Variants in LINGO1 observed in about 807,000 individuals in gnomAD.
LINGO1 encodes the protein leucine rich repeat and Ig domain containing 1, also known as leucine-rich repeat and immunoglobulin-like domain-containing nogo receptor-interacting protein 1.
In LINGO1, 11 loss-of-function variants were observed where a neutral mutation model predicts 37.3. That is an observed-to-expected ratio of 0.29 (90% CI 0.19 to 0.49). The LOEUF (loss-of-function observed/expected upper bound fraction) is 0.49, where lower values mean the gene tolerates loss of function less well. LINGO1 is among the 20% of genes least tolerant of loss of function. The pLI is 0.99. For synonymous variants in LINGO1, 387 were observed against 403.0 expected, an observed-to-expected ratio of 0.96 and a Z score of 0.48; for missense variants, 585 against 878.2, an observed-to-expected ratio of 0.67 and a Z score of 4.22.
At chr15:77,662,126 T>C (rs73457830) in intron 3 of LINGO1, among the ~76,000 whole-genome samples, 478 of 152,296 alleles carry the variant, frequency 3.1e-3, no homozygotes, top group African/African-American at 0.011. Context: ...CCATACCCCA[T>C]TGATCCAGGA....
intron 1 of LINGO1, among the ~76,000 whole-genome samples, chr15:77,749,389 C>T (rs981449323): frequency 1.3e-5 from 2 of 152,194 alleles, no homozygotes; most frequent in Non-Finnish European, 2.9e-5. Context: ...TCCCACCAGC[C>T]CCATCTCCAG....
chr15:77,762,619 T>C (rs1206421659), intron 1 of LINGO1, among the ~76,000 whole-genome samples: 1 of 151,998 alleles, frequency 6.6e-6, no homozygotes, highest in African/African-American at 2.4e-5. Context: ...CACACAGGGG[T>C]CGAGGCTTTG....
chr15:77,690,568 G>A (rs1596113034), intron 2 of LINGO1, among the ~76,000 whole-genome samples: 1 of 152,216 alleles, frequency 6.6e-6, no homozygotes, highest in Non-Finnish European at 1.5e-5. Context: ...TAATGAAATA[G>A]GGTTTGTTTT....
intron 1 of LINGO1, among the ~76,000 whole-genome samples, chr15:77,617,534 G>A (rs2073770280): frequency 6.6e-6 from 1 of 152,290 alleles, no homozygotes; most frequent in African/African-American, 2.4e-5. Flanking sequence ...GTGCAGGAGG[G>A]GGAAGCCCAG....
chr15:77,806,376 G>A (rs1000459702), intron 1 of LINGO1, among the ~76,000 whole-genome samples: 5 of 152,212 alleles, frequency 3.3e-5, no homozygotes, highest in African/African-American at 1.2e-4. Context: ...ACAGGGCTCA[G>A]GAGGAGAGGC....
At chr15:77,720,914 A>G (rs2076043166) in intron 2 of LINGO1, among the ~76,000 whole-genome samples, 1 of 151,006 alleles carries the variant, frequency 6.6e-6, no homozygotes, top group African/African-American at 2.4e-5. Flanking sequence ...TCATCCCTCC[A>G]CCCACGGCTG....
chr15:77,704,366 G>C (rs56370262), intron 2 of LINGO1, among the ~76,000 whole-genome samples: 73,118 of 151,334 alleles, frequency 0.48, 17,997 homozygotes, highest in Admixed American at 0.59. Context: ...AAGCCCCGAC[G>C]CTGGTCACAT....
intron 2 of LINGO1, among the ~76,000 whole-genome samples, chr15:77,724,741 G>A (rs1168073939): frequency 6.6e-6 from 1 of 152,178 alleles, no homozygotes; most frequent in South Asian, 2.1e-4. Context: ...AGGGCAGTAA[G>A]CACCCCCGAG....
intron 3 of LINGO1, among the ~76,000 whole-genome samples, chr15:77,671,545 A>G (rs9652490): frequency 0.28 from 42,287 of 152,208 alleles, 6,914 homozygotes; most frequent in African/African-American, 0.45. Flanking sequence ...GAAGCTAGGC[A>G]GGGAGGAAGC....
intron 3 of LINGO1, among the ~76,000 whole-genome samples, chr15:77,664,040 G>T (rs1567502672): frequency 6.6e-6 from 1 of 152,140 alleles, no homozygotes; most frequent in Non-Finnish European, 1.5e-5. Flanking sequence ...CCAAGCATCT[G>T]CTGGGGAAGG....
At chr15:77,703,438 G>A (rs1314983892) in intron 2 of LINGO1, among the ~76,000 whole-genome samples, 1 of 152,158 alleles carries the variant, frequency 6.6e-6, no homozygotes, top group Admixed American at 6.5e-5. Flanking sequence ...GGGAGGTAGG[G>A]TTCTGGGCCC....
rs114478664 is a variant in LINGO1, at chr15:77,628,130, C to T, written c.6+4180G>A. 1.3e-3 allele frequency among the ~76,000 whole-genome samples: 195 copies of T among 152,248 alleles called. 2 individuals carry two copies. The highest frequency in any genetic ancestry group is 4.5e-3 in the African/African-American group (189 of 41,546). Reference sequence around the variant, plus strand: ...GCTGGGGTGATGCAAACTGGTCTAACCAATTTGGAAAACACTTTGGCAAAT... The same window carrying T: ...GCTGGGGTGATGCAAACTGGTCTAATCAATTTGGAAAACACTTTGGCAAAT... On this transcript the variant is annotated intron_variant, in intron 1 of 1. Coordinates refer to ENST00000355300, the MANE Select transcript of LINGO1 (RefSeq NM_032808.7).
intron 3 of LINGO1, among the ~76,000 whole-genome samples, chr15:77,640,242 G>C (rs2074475385): frequency 6.6e-6 from 1 of 152,182 alleles, no homozygotes; most frequent in South Asian, 2.1e-4. Flanking sequence ...AATCAACCTG[G>C]AATATTTGCA....
intron 1 of LINGO1, among the ~76,000 whole-genome samples, chr15:77,695,642 G>A (rs1382147986): frequency 6.6e-6 from 1 of 152,196 alleles, no homozygotes; most frequent in Non-Finnish European, 1.5e-5. Context: ...AATGGGTTGA[G>A]GGAGTAGAGG....
At chr15:77,778,474 A>C (rs905465193) in intron 1 of LINGO1, among the ~76,000 whole-genome samples, 1 of 152,180 alleles carries the variant, frequency 6.6e-6, no homozygotes, top group Non-Finnish European at 1.5e-5. Flanking sequence ...GGGCACATCA[A>C]ACTTCACATG....
At chr15:77,796,837 A>C (rs1412561812) in intron 1 of LINGO1, among the ~76,000 whole-genome samples, 2 of 152,114 alleles carry the variant, frequency 1.3e-5, no homozygotes, top group African/African-American at 4.8e-5. Flanking sequence ...CAGCCTCCCA[A>C]GGAGCTGGGA....
At chr15:77,743,860 G>A (rs569214034) in intron 1 of LINGO1, among the ~76,000 whole-genome samples, 1 of 152,260 alleles carries the variant, frequency 6.6e-6, no homozygotes, top group South Asian at 2.1e-4. Context: ...GAAGATGGAG[G>A]TGTGAGAGGC....
intron 2 of LINGO1, among the ~76,000 whole-genome samples, chr15:77,729,792 GA>G (rs1283644387): frequency 1.3e-5 from 2 of 152,158 alleles, no homozygotes; most frequent in African/African-American, 4.8e-5. Context: ...TGACTACCAG[GA>G]ATCATAGAAC....
upstream of LINGO1, among the ~76,000 whole-genome samples, chr15:77,697,665 G>A (rs2075714181): frequency 6.6e-6 from 1 of 152,198 alleles, no homozygotes; most frequent in African/African-American, 2.4e-5. Flanking sequence ...GGTGTGGGGT[G>A]GAGCACAGGA....
Sources: allele counts gnomAD v4.1 joint callset (sites outside exome capture counted in the v4.1 genomes callset), GRCh38; gene constraint gnomAD v4.1.1; transcripts MANE v1.5; gene names NCBI Gene and HGNC (gene_info 2026-07-23, HGNC 2026-07-21).